CREB5: variants seen among roughly 807,000 people sequenced by gnomAD.
The protein encoded by CREB5 is cyclic AMP-responsive element-binding protein 5.
Under a neutral mutation model 57.1 loss-of-function variants are expected in CREB5, and 19 were observed. That is an observed-to-expected ratio of 0.33 (90% CI 0.23 to 0.49). The LOEUF is 0.49. Among genes scored for constraint, CREB5 ranks in the 20% least tolerant of loss-of-function variants. CREB5 has a pLI of 0.99. For missense variants in CREB5, 579 were observed against 671.6 expected, an observed-to-expected ratio of 0.86 and a Z score of 1.52; for synonymous variants, 238 against 238.3, an observed-to-expected ratio of 1.00 and a Z score of 0.01.
intron 4 of CREB5, among the ~76,000 whole-genome samples, chr7:28,536,075 A>G (rs216720): frequency 0.47 from 72,097 of 151,962 alleles, 17,683 homozygotes; most frequent in African/African-American, 0.52. Context: ...GTCACTCCTC[A>G]TAGAGTGTCT....
Position 28,819,131 on chromosome 7 carries a change from C to T in CREB5, c.1379C>T (p.Pro460Leu), listed in dbSNP as rs780735841. ...SQGYLSPESS[P>L]PASPVPACSQ... ...TTCTCCCTAGGTCCAGAGAGTAGCCCTCCTGCTAGTCCTGTCCCAGCTTGC... is the reference window on the plus strand; with the variant it reads ...TTCTCCCTAGGTCCAGAGAGTAGCCTTCCTGCTAGTCCTGTCCCAGCTTGC... Residue 460 changes from proline (P) to leucine (L), a missense_variant, in exon 11 of 11, where the codon CCT (proline) becomes CTT (leucine). Pro to Leu is a moderately conservative substitution (Grantham distance 98). Coordinates refer to ENST00000357727, the MANE Select transcript of CREB5 (RefSeq NM_182898.4). 1 of 1,613,388 alleles carries T rather than the reference C, an allele frequency of 6.2e-7. No homozygotes were observed. Among genetic ancestry groups the T allele is most frequent in the Non-Finnish European group, 8.5e-7 (1 of 1,179,648 alleles).
At chr7:28,817,167 G>A (rs543768457) in intron 9 of CREB5, among the ~76,000 whole-genome samples, 104 of 152,228 alleles carry the variant, frequency 6.8e-4, no homozygotes, top group Non-Finnish European at 1.3e-3. Context: ...TTTATAGACC[G>A]AAATTGACCA....
intron 5 of CREB5, among the ~76,000 whole-genome samples, chr7:28,612,229 A>G (rs1041453407): frequency 2.0e-5 from 3 of 152,082 alleles, no homozygotes; most frequent in Non-Finnish European, 4.4e-5. Flanking sequence ...AGTCAGAATC[A>G]CAAATATGTT....
intron 1 of CREB5, among the ~76,000 whole-genome samples, chr7:28,446,879 G>A (rs1789504689): frequency 6.6e-6 from 1 of 152,158 alleles, no homozygotes; most frequent in South Asian, 2.1e-4. Flanking sequence ...CATTTATTGA[G>A]AGCCTACCAT....
chr7:28,754,719 A>C (rs775518976), intron 7 of CREB5, among the ~76,000 whole-genome samples: 26 of 152,022 alleles, frequency 1.7e-4, no homozygotes, highest in South Asian at 6.2e-4. Flanking sequence ...ACATGAAAAA[A>C]CTTCACTCTT....
intron 5 of CREB5, among the ~76,000 whole-genome samples, chr7:28,595,213 C>T (rs1796653902): frequency 6.6e-6 from 1 of 152,152 alleles, no homozygotes; most frequent in South Asian, 2.1e-4. Flanking sequence ...CAAAGTCATG[C>T]CCTGCTACTA....
Position 28,560,891 on chromosome 7 carries a change from T to TGC in CREB5, c.292-9473_292-9472insCG, listed in dbSNP as rs1314317818. On this transcript the variant is annotated intron_variant, in intron 4 of 10. Coordinates refer to ENST00000357727, the MANE Select transcript of CREB5 (RefSeq NM_182898.4). ...CTGCGTGCGCGTGCGTGCGTGCGTG[T>TGC]GTGTGCGTGCGCGCGTGCGTGTGCG... is the stretch of plus-strand genomic sequence containing the variant. Among the ~76,000 whole-genome samples, 162 of 19,498 alleles carry TGC rather than the reference T, an allele frequency of 8.3e-3. 14 individuals carry two copies. The highest frequency in any genetic ancestry group is 0.016 in the East Asian group (5 of 304). 12.8% of individuals were successfully genotyped at this position (19,498 alleles called of 152,430 possible). A position where few individuals can be genotyped will look rare whatever the true frequency, so the allele number is the denominator to read the frequency against.
intron 7 of CREB5, among the ~76,000 whole-genome samples, chr7:28,783,301 C>G (rs1363724603): frequency 1.3e-5 from 2 of 152,202 alleles, no homozygotes; most frequent in Non-Finnish European, 2.9e-5. Context: ...GATTAGCCAG[C>G]TGATGAACCA....
rs1412415685 is a variant in CREB5 at position 28,570,395 on chromosome 7, G to C, written c.322G>C (p.Ala108Pro). ...NISMHNAVGG[A>P]MTGPGTHQLS... ...CTCGATGCATAATGCAGTTGGTGGG[G>C]CCATGACGGGGCCCGGAACTCACCA... Residue 108 changes from alanine (A) to proline (P), a missense_variant, in exon 5 of 11, where the codon GCC (alanine) becomes CCC (proline). Around this residue, in one of 3 missense-constraint regions of CREB5, gnomAD observed 459 missense variants for 515.7 expected, o/e 0.89. Transcript: ENST00000357727. 1 of 1,614,060 alleles carries C rather than the reference G, an allele frequency of 6.2e-7. No individual in the cohort carries two copies. Among genetic ancestry groups the C allele is most frequent in the Admixed American group, 1.7e-5 (1 of 60,022 alleles).
rs75277444 is a variant in CREB5, at chr7:28,734,357, C to T, written c.702+10025C>T. 9.4e-3 allele frequency among the ~76,000 whole-genome samples: 1,435 copies of T among 152,150 alleles called. 37 individuals carry two copies. Among genetic ancestry groups the T allele is most frequent in the African/African-American group, 0.033 (1,360 of 41,512 alleles). ...TGTGTTAAAATGAAAATTTCCTTTGCCTTTTTTCTCTGTTCATATAAGTAA... is the reference window on the plus strand; with the variant it reads ...TGTGTTAAAATGAAAATTTCCTTTGTCTTTTTTCTCTGTTCATATAAGTAA... On this transcript the variant is annotated intron_variant, in intron 7 of 10. Transcript: ENST00000357727.
intron 5 of CREB5, among the ~76,000 whole-genome samples, chr7:28,656,259 AAAC>A (rs1799330007): frequency 6.6e-6 from 1 of 152,330 alleles, no homozygotes. Flanking sequence ...CTAAAAATAA[AAAC>A]AACAAAGAAA....
At chr7:28,366,433 G>T (rs964454929) in intron 1 of CREB5, among the ~76,000 whole-genome samples, 2 of 152,092 alleles carry the variant, frequency 1.3e-5, no homozygotes, top group African/African-American at 4.8e-5. Flanking sequence ...TGTATGTGAG[G>T]ATACTACTAC....
intron 5 of CREB5, among the ~76,000 whole-genome samples, chr7:28,629,697 A>G (rs935269646): frequency 6.6e-6 from 1 of 152,212 alleles, no homozygotes; most frequent in African/African-American, 2.4e-5. Context: ...CTGACCATCC[A>G]TGATTCATAT....
rs914745864 is a variant in CREB5, at chr7:28,717,313, C to T, written c.465-1440C>T. Among the ~76,000 whole-genome samples, 3 of 152,178 alleles carry T rather than the reference C, an allele frequency of 2.0e-5. No homozygotes were observed. In the East Asian group the frequency reaches 5.8e-4, roughly 29 times the overall value. On this transcript the variant is annotated intron_variant, in intron 5 of 10. Coordinates refer to ENST00000357727, the MANE Select transcript of CREB5 (RefSeq NM_182898.4). Reference sequence around the variant, plus strand: ...ATATTCTTTTATATTTTCATATATACACCTATCTAAACTGATCATAAATCT... The same window carrying T: ...ATATTCTTTTATATTTTCATATATATACCTATCTAAACTGATCATAAATCT...
At chr7:28,739,224 GATAAA>G (rs1804201970) in intron 7 of CREB5, among the ~76,000 whole-genome samples, 7 of 152,082 alleles carry the variant, frequency 4.6e-5, no homozygotes, top group Admixed American at 4.6e-4. Flanking sequence ...AATACATGAA[GATAAA>G]ATAAAATTTA....
chr7:28,821,546 C>T lies in CREB5; in HGVS notation c.*2267C>T, dbSNP rs1809773878. On this transcript the variant is annotated 3_prime_UTR_variant, in exon 11 of 11. Coordinates refer to ENST00000357727, the MANE Select transcript of CREB5 (RefSeq NM_182898.4). ...TCTATTATATTTTAGACAAACATAT[C>T]ATTTTCGAGTATTTTAAATACTGAA... 1 of 151,524 alleles carries T rather than the reference C, an allele frequency of 6.6e-6. No individual in the cohort carries two copies. The highest frequency in any genetic ancestry group is 1.5e-5 in the Non-Finnish European group (1 of 67,872). The allele number at this position is 151,524 out of a possible 1,614,324, so 9.4% of individuals were successfully genotyped here. A position where few individuals can be genotyped will look rare whatever the true frequency, so the allele number is the denominator to read the frequency against.
intron 7 of CREB5, among the ~76,000 whole-genome samples, chr7:28,772,809 T>C (rs1806399048): frequency 6.6e-6 from 1 of 152,096 alleles, no homozygotes; most frequent in South Asian, 2.1e-4. Flanking sequence ...CCTGAGCAAG[T>C]CCTCCTTCTC....
rs557260174 is a variant in CREB5 at position 28,820,766 on chromosome 7, G to T, written c.*1487G>T. 6.6e-6 allele frequency: 1 copy of T among 152,152 alleles called. No homozygotes were observed. Among genetic ancestry groups the T allele is most frequent in the African/African-American group, 2.4e-5 (1 of 41,482 alleles). 9.4% of individuals were successfully genotyped at this position (152,152 alleles called of 1,614,324 possible). ...CCACAGGTTCACATAACCATGCCTGGCTAATTTATTTTTACTTTTATTTTA... is the reference window on the plus strand; with the variant it reads ...CCACAGGTTCACATAACCATGCCTGTCTAATTTATTTTTACTTTTATTTTA... On this transcript the variant is annotated 3_prime_UTR_variant, in exon 11 of 11. Transcript: ENST00000357727.
chr7:28,686,779 C>G (rs984651369), intron 5 of CREB5, among the ~76,000 whole-genome samples: 3 of 152,202 alleles, frequency 2.0e-5, no homozygotes, highest in Non-Finnish European at 4.4e-5. Context: ...CGGCTTCAGA[C>G]TGCAATCTCT....
Sources: allele counts gnomAD v4.1 joint callset (sites outside exome capture counted in the v4.1 genomes callset), GRCh38; gene constraint gnomAD v4.1.1; regional missense constraint gnomAD v4.1.1; transcripts MANE v1.5; gene names NCBI Gene and HGNC (gene_info 2026-07-23, HGNC 2026-07-21).